ASTN2: variants seen among roughly 807,000 people sequenced by gnomAD.
The protein encoded by ASTN2 is astrotactin-2.
ASTN2 carries 54 observed loss-of-function variants against 139.8 expected under a neutral mutation model. The observed-to-expected ratio is 0.39, with a 90% CI of 0.31 to 0.48. The LOEUF is 0.48. Ranked by LOEUF, ASTN2 falls within the 20% of genes least tolerant of loss-of-function variation. ASTN2 has a pLI of 0.95. For synonymous variants in ASTN2, 756 were observed against 719.5 expected (o/e 1.05, Z -0.81); for missense variants, 1,565 against 1,725.1 (o/e 0.91, Z 1.64).
chr9:116,930,491 C>G (rs1411847473), intron 10 of ASTN2, among the ~76,000 whole-genome samples: 1 of 152,160 alleles, frequency 6.6e-6, no homozygotes, highest in East Asian at 1.9e-4. Flanking sequence ...TACCCAAGAA[C>G]TCTATATACT....
In ASTN2 at chr9:117,378,683, C is replaced by A. The variant is rs1113012; in HGVS notation, c.442+35814G>T. Among the ~76,000 whole-genome samples the A allele has an allele frequency of 3.4e-3, 512 of 152,266 alleles. 3 individuals carry two copies. Among genetic ancestry groups the A allele is most frequent in the African/African-American group, 0.012 (491 of 41,548 alleles). On this transcript the variant is annotated intron_variant, in intron 1 of 22. Coordinates refer to ENST00000313400, the MANE Select transcript of ASTN2 (RefSeq NM_001365068.1). ...GACCCACCAAGGCAGTGTTTAAGAA[C>A]CTCTGGAAACCTTCTCCACACTTTA...
intron 16 of ASTN2, among the ~76,000 whole-genome samples, chr9:116,723,450 C>T (rs1564232734): frequency 1.3e-5 from 2 of 152,012 alleles, no homozygotes; most frequent in African/African-American, 4.8e-5. Context: ...ATGAAACACC[C>T]TCCATCCCAC....
chr9:116,632,185 G>GAGAGAGAGAGAGAGAGAGA, intron 17 of ASTN2, among the ~76,000 whole-genome samples: 1 of 48,708 alleles, frequency 2.1e-5, no homozygotes, highest in East Asian at 6.1e-4. Flanking sequence ...AGAGAGAGAG[G>GAGAGAGAGAGAGAGAGAGA]GAGAGAGAGA....
chr9:116,540,573 G>A (rs1395677274), intron 19 of ASTN2: 1 of 152,178 alleles, frequency 6.6e-6, no homozygotes, highest in Non-Finnish European at 1.5e-5. Context: ...TCTCCTTGGC[G>A]AGCAATCGTC....
intron 10 of ASTN2, among the ~76,000 whole-genome samples, chr9:116,905,074 TC>T (rs963676243): frequency 2.0e-5 from 3 of 146,766 alleles, no homozygotes; most frequent in African/African-American, 7.4e-5. Flanking sequence ...GCCTCTTGTC[TC>T]CCCCTCCTTC....
intron 1 of ASTN2, among the ~76,000 whole-genome samples, chr9:117,413,160 G>A (rs932258545): frequency 4.6e-5 from 7 of 152,248 alleles, no homozygotes; most frequent in African/African-American, 1.4e-4. Context: ...ATCCCCAGAG[G>A]TGGTAGCATG....
intron 13 of ASTN2, among the ~76,000 whole-genome samples, chr9:116,754,057 C>T (rs754327556): frequency 2.0e-5 from 3 of 150,476 alleles, no homozygotes; most frequent in East Asian, 2.0e-4. Context: ...TGAGAACACG[C>T]GGTGTTTGGT....
At chr9:116,587,345 T>TAAAA (rs376336813) in intron 19 of ASTN2, among the ~76,000 whole-genome samples, 1 of 83,284 alleles carries the variant, frequency 1.2e-5, no homozygotes, top group African/African-American at 6.2e-5. Flanking sequence ...CATCTCAAAT[T>TAAAA]TAAAAAAAAA....
chr9:116,763,643 T>A (rs1006781221), intron 13 of ASTN2, among the ~76,000 whole-genome samples: 1 of 152,136 alleles, frequency 6.6e-6, no homozygotes, highest in African/African-American at 2.4e-5. Flanking sequence ...CCCACAATGA[T>A]TGGCTGTGTG....
chr9:117,399,076 G>T (rs529976920), intron 1 of ASTN2, among the ~76,000 whole-genome samples: 1 of 152,198 alleles, frequency 6.6e-6, no homozygotes, highest in East Asian at 1.9e-4. Context: ...GAGCCACCGC[G>T]CCTGACCCAA....
intron 10 of ASTN2, among the ~76,000 whole-genome samples, chr9:116,965,225 G>A (rs12350890): frequency 0.14 from 21,867 of 152,148 alleles, 1,951 homozygotes; most frequent in African/African-American, 0.24. Context: ...AATGGCTGCC[G>A]TCTTTGATTT....
intron 11 of ASTN2, among the ~76,000 whole-genome samples, chr9:116,862,146 T>C (rs1420000440): frequency 6.6e-6 from 1 of 152,186 alleles, no homozygotes; most frequent in Non-Finnish European, 1.5e-5. Context: ...CTTCTTCGTA[T>C]TGATCTCCTG....
intron 19 of ASTN2, among the ~76,000 whole-genome samples, chr9:116,502,746 T>G (rs528910635): frequency 0.055 from 2,887 of 52,146 alleles, 204 homozygotes; most frequent in African/African-American, 0.17. Context: ...AATGAATGAA[T>G]GAGGGAAGGA....
chr9:117,082,660 G>T (rs1048233799), intron 5 of ASTN2, among the ~76,000 whole-genome samples: 2 of 152,180 alleles, frequency 1.3e-5, no homozygotes, highest in East Asian at 3.9e-4. Context: ...AAAATTAGCT[G>T]GGCATGGTGG....
intron 19 of ASTN2, among the ~76,000 whole-genome samples, chr9:116,562,718 G>A (rs555951297): frequency 2.9e-5 from 4 of 137,198 alleles, no homozygotes; most frequent in African/African-American, 1.1e-4. Flanking sequence ...GTGACAGTGC[G>A]AGTGACTGCC....
intron 17 of ASTN2, among the ~76,000 whole-genome samples, chr9:116,649,724 T>C (rs1857801037): frequency 1.3e-5 from 2 of 152,062 alleles, no homozygotes; most frequent in Admixed American, 6.5e-5. Flanking sequence ...TTCAATGCTG[T>C]CCCATGGATG....
At chr9:117,224,809 G>A (rs1242286253) in intron 2 of ASTN2, among the ~76,000 whole-genome samples, 3 of 152,140 alleles carry the variant, frequency 2.0e-5, no homozygotes, top group African/African-American at 7.2e-5. Context: ...TTAAGCCTCA[G>A]CTTGTGGGTC....
chr9:116,768,973 C>T (rs540860114), intron 13 of ASTN2, among the ~76,000 whole-genome samples: 5 of 152,136 alleles, frequency 3.3e-5, no homozygotes, highest in African/African-American at 1.2e-4. Context: ...GTGTATTTGC[C>T]CATCAAATGA....
At chr9:116,702,462 T>G (rs551568816) in intron 16 of ASTN2, among the ~76,000 whole-genome samples, 22 of 152,318 alleles carry the variant, frequency 1.4e-4, no homozygotes, top group East Asian at 3.9e-4. Context: ...CTACTGTCTA[T>G]TTCACATTCC....
Sources: allele counts gnomAD v4.1 joint callset (sites outside exome capture counted in the v4.1 genomes callset), GRCh38; gene constraint gnomAD v4.1.1; transcripts MANE v1.5; gene names NCBI Gene and HGNC (gene_info 2026-07-23, HGNC 2026-07-21).